Variants in TRMT11 observed in about 807,000 individuals in gnomAD.
The protein encoded by TRMT11 is tRNA methyltransferase 11.
TRMT11 carries 53 observed loss-of-function variants against 62.8 expected under a neutral mutation model. The observed-to-expected ratio is 0.84, with a 90% confidence interval of 0.68 to 1.06. The LOEUF is 1.06. TRMT11 is among the 50% of genes least tolerant of loss of function. The probability of loss-of-function intolerance (pLI) is 0.00; values close to 1 mark genes in which losing one functional copy is unlikely to be tolerated. For missense variants in TRMT11, 556 were observed against 553.4 expected (o/e 1.00, Z -0.05); for synonymous variants, 188 against 190.3 (o/e 0.99, Z 0.10).
At chr6:126,234,588 A>G in the TRMT11 span, among the ~76,000 whole-genome samples, 1 of 152,156 alleles carries the variant, frequency 6.6e-6, no homozygotes, top group African/African-American at 2.4e-5. Flanking sequence ...TCAGGAAGAT[A>G]CCTGATTTGT....
intron 11 of TRMT11, among the ~76,000 whole-genome samples, chr6:126,016,781 T>C (rs1795048595): frequency 1.3e-5 from 2 of 151,566 alleles, no homozygotes; most frequent in Non-Finnish European, 2.9e-5. Flanking sequence ...GGGAAGACAA[T>C]GGTGGCATTT....
At chr6:126,146,461 G>A (rs1034121936) in intron 21 of TRMT11, among the ~76,000 whole-genome samples, 3 of 151,756 alleles carry the variant, frequency 2.0e-5, no homozygotes, top group Non-Finnish European at 4.4e-5. Flanking sequence ...TCCTTGATAT[G>A]TTTAATGAGG....
intron 21 of TRMT11, among the ~76,000 whole-genome samples, chr6:126,120,679 A>C (rs1030809208): frequency 6.6e-6 from 1 of 152,124 alleles, no homozygotes; most frequent in Admixed American, 6.6e-5. Flanking sequence ...ATAGTATTGT[A>C]GTTCTCTATT....
intron 1 of TRMT11, among the ~76,000 whole-genome samples, chr6:126,179,705 G>A (rs9491571): frequency 0.13 from 19,385 of 152,126 alleles, 4,085 homozygotes; most frequent in African/African-American, 0.44. Flanking sequence ...CACATATAGC[G>A]AAGAATAACT....
intron 17 of TRMT11, among the ~76,000 whole-genome samples, chr6:126,093,581 GTATGTATATATATATATATATATA>G (rs1435955400): frequency 8.1e-5 from 3 of 37,070 alleles, no homozygotes; most frequent in Non-Finnish European, 1.7e-4. Flanking sequence ...AACAGGATAT[GTATGTATATATATATATATATATA>G]TATATATATA....
chr6:126,075,972 G>A (rs1289492983), intron 17 of TRMT11, among the ~76,000 whole-genome samples: 2 of 152,146 alleles, frequency 1.3e-5, no homozygotes, highest in Admixed American at 6.5e-5. Context: ...GAACTGCAGG[G>A]GAGGCTGGGA....
the TRMT11 span, among the ~76,000 whole-genome samples, chr6:126,269,427 G>T: frequency 6.6e-6 from 1 of 151,802 alleles, no homozygotes; most frequent in African/African-American, 2.4e-5. Flanking sequence ...TAAATATATG[G>T]GCAAAGAGAT....
chr6:126,188,019 A>T (rs1324056688), intron 1 of TRMT11, among the ~76,000 whole-genome samples: 1 of 151,840 alleles, frequency 6.6e-6, no homozygotes, highest in Non-Finnish European at 1.5e-5. Context: ...TGTCTACAGA[A>T]ACCTCAAGAA....
intron 1 of TRMT11, among the ~76,000 whole-genome samples, chr6:126,189,726 A>C (rs923872948): frequency 2.0e-5 from 3 of 152,144 alleles, no homozygotes; most frequent in Non-Finnish European, 2.9e-5. Context: ...CTTTTGGCTT[A>C]GTAATAAGGT....
At chr6:126,183,345 A>G (rs1329789990) in intron 1 of TRMT11, among the ~76,000 whole-genome samples, 1 of 152,088 alleles carries the variant, frequency 6.6e-6, no homozygotes, top group African/African-American at 2.4e-5. Context: ...TGAGAGCAAA[A>G]GTTTCTTCTG....
chr6:126,012,872 G>T lies in TRMT11; in HGVS notation c.1007+20G>T, dbSNP rs1211221480. ...AAAATGGTAAGTGAAATTTAAATATGATGTGTTACTACCTTGAGAAGAGGC... is the reference window on the plus strand; with the variant it reads ...AAAATGGTAAGTGAAATTTAAATATTATGTGTTACTACCTTGAGAAGAGGC... On this transcript the variant is annotated intron_variant, in intron 10 of 12. Coordinates refer to ENST00000334379, the MANE Select transcript of TRMT11 (RefSeq NM_001031712.3). 3 of 1,609,764 alleles carry T rather than the reference G, an allele frequency of 1.9e-6. No homozygotes were observed. In the Admixed American group the frequency reaches 5.0e-5, roughly 27 times the overall value.
intron 1 of TRMT11, among the ~76,000 whole-genome samples, chr6:126,193,051 C>T (rs957558446): frequency 7.2e-5 from 11 of 152,162 alleles, no homozygotes; most frequent in East Asian, 1.9e-4. Flanking sequence ...GCAGTGAATT[C>T]GTCATGTTCT....
downstream of TRMT11, among the ~76,000 whole-genome samples, chr6:126,044,274 G>A (rs182183517): frequency 1.3e-5 from 2 of 152,120 alleles, no homozygotes; most frequent in Non-Finnish European, 2.9e-5. Flanking sequence ...TCTCCGTATG[G>A]CTAGCCAGTT....
chr6:126,189,810 A>T (rs931691594), intron 1 of TRMT11, among the ~76,000 whole-genome samples: 1 of 152,128 alleles, frequency 6.6e-6, no homozygotes, highest in African/African-American at 2.4e-5. Flanking sequence ...GTTTCTGTTT[A>T]TATCTCAAAA....
At chr6:126,059,612 G>A (rs1286950686) in intron 17 of TRMT11, among the ~76,000 whole-genome samples, 1 of 152,060 alleles carries the variant, frequency 6.6e-6, no homozygotes, top group Non-Finnish European at 1.5e-5. Context: ...ACCATTTTAT[G>A]TCCTAGGAAT....
intron 21 of TRMT11, among the ~76,000 whole-genome samples, chr6:126,161,417 T>C (rs1215271639): frequency 6.6e-6 from 1 of 152,256 alleles, no homozygotes; most frequent in African/African-American, 2.4e-5. Flanking sequence ...GAACTCATTC[T>C]TTATTATAGC....
chr6:126,165,138 C>G (rs753361685), intron 21 of TRMT11, among the ~76,000 whole-genome samples: 2 of 151,946 alleles, frequency 1.3e-5, no homozygotes, highest in South Asian at 2.1e-4. Context: ...ATTAGCTGGG[C>G]GTAGTGGTGG....
intron 1 of TRMT11, among the ~76,000 whole-genome samples, chr6:126,187,877 A>G (rs1778544091): frequency 6.6e-6 from 1 of 151,698 alleles, no homozygotes; most frequent in African/African-American, 2.4e-5. Context: ...ATTAGAGGAA[A>G]GGAATCTTTT....
chr6:126,012,204 A>T (rs911294330), intron 9 of TRMT11, among the ~76,000 whole-genome samples: 1 of 152,126 alleles, frequency 6.6e-6, no homozygotes, highest in East Asian at 1.9e-4. Flanking sequence ...GTTTTTTTTA[A>T]ATTAACAGTT....
Sources: allele counts gnomAD v4.1 joint callset (sites outside exome capture counted in the v4.1 genomes callset), GRCh38; gene constraint gnomAD v4.1.1; transcripts MANE v1.5; gene names NCBI Gene and HGNC (gene_info 2026-07-23, HGNC 2026-07-21).